Variants in USP13 observed in about 807,000 individuals in gnomAD.
USP13 encodes ubiquitin specific peptidase 13, also known as ubiquitin carboxyl-terminal hydrolase 13.
USP13 carries 68 observed loss-of-function variants against 107.8 expected under a neutral mutation model. The observed-to-expected ratio is 0.63, with a 90% CI of 0.52 to 0.77. The LOEUF is 0.77. USP13 is among the 30% of genes least tolerant of loss of function. The pLI is 0.00. For synonymous variants in USP13, 377 were observed against 389.5 expected (o/e 0.97, Z 0.38); for missense variants, 945 against 1,093.3 (o/e 0.86, Z 1.91).
intron 1 of USP13, among the ~76,000 whole-genome samples, chr3:179,669,243 C>T (rs79061231): frequency 3.9e-5 from 6 of 152,148 alleles, no homozygotes; most frequent in Non-Finnish European, 8.8e-5. Context: ...AGCAGATCAC[C>T]TGAGGTCAGG....
chr3:179,675,639 C>A (rs1199731558), intron 1 of USP13, among the ~76,000 whole-genome samples: 1 of 151,850 alleles, frequency 6.6e-6, no homozygotes, highest in African/African-American at 2.4e-5. Context: ...CCCCTGCCTC[C>A]CGGGTTCAAG....
intron 1 of USP13, among the ~76,000 whole-genome samples, chr3:179,675,704 C>T (rs925552904): frequency 3.3e-5 from 5 of 151,894 alleles, no homozygotes; most frequent in Non-Finnish European, 7.4e-5. Context: ...TGTTCCGCCA[C>T]GCCTGGCTAA....
intron 11 of USP13, among the ~76,000 whole-genome samples, chr3:179,740,694 G>C (rs139395482): frequency 6.6e-6 from 1 of 151,866 alleles, no homozygotes; most frequent in Non-Finnish European, 1.5e-5. Flanking sequence ...AGAGCCCTGC[G>C]TGGTATTTGG....
chr3:179,730,589 TTGTTTC>T (rs762393642), intron 9 of USP13, 21 bp from the exon 10 acceptor site: 4 of 1,588,464 alleles, frequency 2.5e-6, no homozygotes, highest in Non-Finnish European at 3.4e-6. Context: ...AATGACCTTT[TTGTTTC>T]TGTTTCTCTG....
At chr3:179,702,478 C>A (rs1423443186) in intron 4 of USP13, among the ~76,000 whole-genome samples, 3 of 152,168 alleles carry the variant, frequency 2.0e-5, no homozygotes, top group African/African-American at 7.2e-5. Flanking sequence ...CTCTTTAGGT[C>A]CCAGAGTCTT....
intron 20 of USP13, among the ~76,000 whole-genome samples, chr3:179,782,513 G>A (rs1037784721): frequency 6.6e-5 from 10 of 152,108 alleles, no homozygotes; most frequent in African/African-American, 2.4e-4. Context: ...ATCCCTACAG[G>A]ACCTACTGGT....
chr3:179,675,518 G>GT, intron 1 of USP13, among the ~76,000 whole-genome samples: 1 of 148,492 alleles, frequency 6.7e-6, no homozygotes, highest in East Asian at 1.9e-4. Flanking sequence ...TGCTATATGA[G>GT]TTTTATCTGT....
At chr3:179,705,780 T>C (rs891128209) in intron 4 of USP13, among the ~76,000 whole-genome samples, 25 of 152,144 alleles carry the variant, frequency 1.6e-4, no homozygotes, top group African/African-American at 6.0e-4. Flanking sequence ...TGGAGTGCAA[T>C]GGTGTGTTCT....
In USP13 at chr3:179,754,950, C is replaced by G. The variant is rs1387286179; in HGVS notation, c.1921+96C>G. On this transcript the variant is annotated intron_variant, in intron 15 of 20. Coordinates refer to ENST00000263966, the MANE Select transcript of USP13 (RefSeq NM_003940.3). ...ACCACTGTGTTGCTGCTACCACCAC[C>G]ACCCATTGGTGGTCTAGCTGCCTTG... 20 of 1,448,460 alleles carry G rather than the reference C, an allele frequency of 1.4e-5. No homozygotes were observed. The Middle Eastern group carries it at 7.3e-4, about 53-fold the overall frequency. The allele number at this position is 1,448,460 out of a possible 1,614,324, so 89.7% of individuals were successfully genotyped here. A position where few individuals can be genotyped will look rare whatever the true frequency, so the allele number is the denominator to read the frequency against.
chr3:179,763,658 CT>C (rs1426099893), intron 17 of USP13, among the ~76,000 whole-genome samples: 13 of 152,214 alleles, frequency 8.5e-5, no homozygotes, highest in Non-Finnish European at 1.5e-4. Context: ...GCAATCTCAG[CT>C]CACTGCAACC....
chr3:179,753,135 G>A (rs1172866868), intron 14 of USP13, among the ~76,000 whole-genome samples: 3 of 152,154 alleles, frequency 2.0e-5, no homozygotes, highest in African/African-American at 7.2e-5. Flanking sequence ...GTCTTTTAAA[G>A]TTTTTATGTT....
chr3:179,719,898 T>G, intron 6 of USP13, 42 bp from the exon 7 acceptor site: 2 of 1,540,742 alleles, frequency 1.3e-6, no homozygotes, highest in Non-Finnish European at 1.8e-6. Flanking sequence ...ATTCAGTGAC[T>G]TGATTACTGA....
chr3:179,684,738 T>C lies in USP13; in HGVS notation c.294+2735T>C, dbSNP rs533575274. On this transcript the variant is annotated intron_variant, in intron 2 of 20. Transcript: ENST00000263966. Reference sequence around the variant, plus strand: ...ATTGGTATGGCAAGCCTTGATATCTTTTAGTGCAAGCACTTTTTCCATGTT... The same window carrying C: ...ATTGGTATGGCAAGCCTTGATATCTCTTAGTGCAAGCACTTTTTCCATGTT... Among the ~76,000 whole-genome samples, 35 of 152,190 alleles carry C rather than the reference T, an allele frequency of 2.3e-4. No homozygotes were observed. In the South Asian group the frequency reaches 5.2e-3, roughly 23 times the overall value.
chr3:179,757,058 T>A lies in USP13; in HGVS notation c.1928T>A (p.Leu643Gln). The A allele has an allele frequency of 6.2e-7, 1 of 1,614,110 alleles. No individual in the cohort carries two copies. Among genetic ancestry groups the A allele is most frequent in the Non-Finnish European group, 8.5e-7 (1 of 1,179,946 alleles). ...IVIPDDSKDR[L>Q]MNQLIDPSDI... is the part of the protein sequence containing the mutation. ...CCTCTCCCTTAATTTCCAGATCGCC[T>A]GATGAACCAATTGATAGACCGTATG... The change falls in exon 16 of 21, where the codon CTG becomes CAG. Residue 643 changes from leucine to glutamine, a missense_variant. Transcript: ENST00000263966.
At chr3:179,695,413 G>A (rs1712288547) in intron 3 of USP13, among the ~76,000 whole-genome samples, 1 of 151,988 alleles carries the variant, frequency 6.6e-6, no homozygotes, top group African/African-American at 2.4e-5. Flanking sequence ...ACTGGCTGGT[G>A]CCAAAAGGCT....
rs752785236 is a variant in USP13 at position 179,690,258 on chromosome 3, T to C, written c.312T>C (p.Ser104=). The C allele has an allele frequency of 2.2e-4, 347 of 1,613,834 alleles. No individual in the cohort carries two copies. The highest frequency in any genetic ancestry group is 2.9e-4 in the Non-Finnish European group (339 of 1,179,948). ...CTTTTCAGAAGGTAAGAGGGGCGTC[T>C]GGTGGAGCGTTACCAAAAAGGAGGA... ...RHVREKVRGA[S]GGALPKRRNS... is the part of the protein sequence containing the mutation. Residue 104 remains serine, a synonymous_variant, in exon 3 of 21, where the codon TCT becomes TCC. Transcript: ENST00000263966.
rs1410308965 is a variant in USP13, at chr3:179,699,699, C to A, written c.356-1309C>A. ...TTGGCAACAGAGTGACACCCTGCCT[C>A]AAAAAAAAAAAAAAAGCTTAGATTG... On this transcript the variant is annotated intron_variant, in intron 3 of 20. Coordinates refer to ENST00000263966, the MANE Select transcript of USP13 (RefSeq NM_003940.3). Among the ~76,000 whole-genome samples, 985 of 118,002 alleles carry A rather than the reference C, an allele frequency of 8.3e-3. 2 individuals are homozygous for A. The highest frequency in any genetic ancestry group is 9.6e-3 in the Non-Finnish European group (572 of 59,410). 77.4% of individuals were successfully genotyped at this position (118,002 alleles called of 152,430 possible). A position where few individuals can be genotyped will look rare whatever the true frequency, so the allele number is the denominator to read the frequency against.
At chr3:179,690,372 C>G in intron 3 of USP13, 71 bp downstream of exon 3, 1 of 1,353,442 alleles carries the variant, frequency 7.4e-7, no homozygotes, top group South Asian at 1.3e-5. Flanking sequence ...TCATGTGCAT[C>G]TTTGATTTAG....
chr3:179,660,959 A>G (rs1255027351), intron 1 of USP13, among the ~76,000 whole-genome samples: 1 of 152,208 alleles, frequency 6.6e-6, no homozygotes, highest in Non-Finnish European at 1.5e-5. Context: ...GAGAACCGCA[A>G]AAAGCTTTTG....
Sources: gnomAD v4.1 joint callset for allele counts (sites outside exome capture counted in the v4.1 genomes callset) on GRCh38, gnomAD v4.1.1 for gene constraint, MANE v1.5 for transcripts, NCBI Gene and HGNC (gene_info 2026-07-23, HGNC 2026-07-21) for gene names.